CRIM1: variants seen among roughly 807,000 people sequenced by gnomAD.
The protein encoded by CRIM1 is cysteine rich transmembrane BMP regulator 1, also known as cysteine-rich motor neuron 1 protein.
A neutral mutation model predicts 116.4 loss-of-function variants in CRIM1; 32 were observed. That is an observed-to-expected ratio of 0.27 (90% CI 0.21 to 0.37). CRIM1 has a LOEUF of 0.37. Among genes scored for constraint, CRIM1 ranks in the 10% least tolerant of loss-of-function variants. The probability of loss-of-function intolerance (pLI) is 1.00; values close to 1 mark genes in which losing one functional copy is unlikely to be tolerated. For missense variants in CRIM1, 1,331 were observed against 1,354.8 expected (o/e 0.98, Z 0.28); for synonymous variants, 590 against 509.2 (o/e 1.16, Z -2.13).
At chr2:36,428,580 G>A (rs1212079111) in intron 2 of CRIM1, among the ~76,000 whole-genome samples, 1 of 152,134 alleles carries the variant, frequency 6.6e-6, no homozygotes, top group Non-Finnish European at 1.5e-5. Flanking sequence ...GTACCTCATT[G>A]CTTTTATTAA....
chr2:36,466,539 G>C (rs923858499), intron 5 of CRIM1, among the ~76,000 whole-genome samples: 3 of 152,204 alleles, frequency 2.0e-5, no homozygotes, highest in Non-Finnish European at 2.9e-5. Context: ...CAGCATCTCA[G>C]ATATGCTTCA....
chr2:36,543,137 A>C (rs1000020188), intron 14 of CRIM1, among the ~76,000 whole-genome samples: 8 of 152,176 alleles, frequency 5.3e-5, no homozygotes, highest in Non-Finnish European at 1.2e-4. Flanking sequence ...TGGAGGCAAC[A>C]AGATAACTTG....
intron 10 of CRIM1, 26 bp from the exon 11 acceptor site, chr2:36,513,530 T>A: frequency 1.2e-6 from 2 of 1,606,092 alleles, no homozygotes; most frequent in Non-Finnish European, 1.7e-6. Context: ...GCCACTTCTT[T>A]ACCAGGCTGC....
chr2:36,375,576 G>T (rs1275396513), intron 1 of CRIM1, among the ~76,000 whole-genome samples: 1 of 152,072 alleles, frequency 6.6e-6, no homozygotes. Context: ...CTAAATTTTT[G>T]TTTCTGAATT....
At position 36,475,760 on chromosome 2, in the gene CRIM1, C is replaced by G. The variant is rs537705080; in HGVS notation, c.992-1129C>G. Among the ~76,000 whole-genome samples the G allele has an allele frequency of 8.3e-4, 126 of 152,236 alleles. 1 individual carries two copies. The highest frequency in any genetic ancestry group is 2.9e-3 in the African/African-American group (120 of 41,536). ...CAAGTTGAGGAAGTTCCGTTCTATT[C>G]CTAGTTGGTTGAGCATTTTTATCAT... On this transcript the variant is annotated intron_variant, in intron 5 of 16. Coordinates refer to ENST00000280527, the MANE Select transcript of CRIM1 (RefSeq NM_016441.3).
intron 5 of CRIM1, among the ~76,000 whole-genome samples, chr2:36,476,619 T>C (rs1217920649): frequency 6.6e-6 from 1 of 152,232 alleles, no homozygotes; most frequent in Non-Finnish European, 1.5e-5. Context: ...TCATAAAGTT[T>C]AGCTTTGTCT....
At chr2:36,441,639 T>A in intron 3 of CRIM1, 139 bp downstream of exon 3, 1 of 1,080,386 alleles carries the variant, frequency 9.3e-7, no homozygotes. Context: ...CACTTTGGGC[T>A]AATGGCAGCT....
intron 1 of CRIM1, among the ~76,000 whole-genome samples, chr2:36,357,547 C>G (rs536120901): frequency 1.3e-5 from 2 of 152,064 alleles, no homozygotes; most frequent in Non-Finnish European, 2.9e-5. Flanking sequence ...AATCCCTGCC[C>G]GCTTGCGTCG....
chr2:36,362,403 G>A (rs1278357864), intron 1 of CRIM1, among the ~76,000 whole-genome samples: 1 of 152,166 alleles, frequency 6.6e-6, no homozygotes, highest in African/African-American at 2.4e-5. Context: ...TCTCCTTAGA[G>A]CCTGTGCAAT....
chr2:36,536,624 T>TA (rs1666574377), intron 13 of CRIM1, among the ~76,000 whole-genome samples: 1 of 152,018 alleles, frequency 6.6e-6, no homozygotes, highest in African/African-American at 2.4e-5. Context: ...TAAGTTCAGG[T>TA]ACACCAGGAA....
At chr2:36,442,818 C>T (rs986405054) in intron 4 of CRIM1, 83 bp downstream of exon 4, 1 of 1,524,874 alleles carries the variant, frequency 6.6e-7, no homozygotes, top group South Asian at 1.2e-5. Context: ...AGTTTGTTTT[C>T]CCATGAGAAA....
intron 5 of CRIM1, among the ~76,000 whole-genome samples, chr2:36,470,252 T>C (rs1335839646): frequency 6.6e-6 from 1 of 152,136 alleles, no homozygotes; most frequent in Non-Finnish European, 1.5e-5. Flanking sequence ...TTTAATTTGT[T>C]TTGGTGGAGG....
intron 8 of CRIM1, among the ~76,000 whole-genome samples, chr2:36,501,679 G>A (rs1193408547): frequency 6.6e-6 from 1 of 152,080 alleles, no homozygotes; most frequent in East Asian, 1.9e-4. Context: ...CTGTGATTGT[G>A]CCACTGCACT....
Position 36,491,868 on chromosome 2 carries a change from T to C in CRIM1, c.1373-7351T>C, listed in dbSNP as rs1187889100. On this transcript the variant is annotated intron_variant, in intron 7 of 16. Coordinates refer to ENST00000280527, the MANE Select transcript of CRIM1 (RefSeq NM_016441.3). ...TCCACTTAAAGCTACCAAAATATAA[T>C]TCCTATGAACATTAGCAATAAAAAG... 7.9e-5 allele frequency among the ~76,000 whole-genome samples: 12 copies of C among 152,102 alleles called. No homozygotes were observed. The South Asian group carries it at 1.7e-3, about 21-fold the overall frequency.
At chr2:36,438,693 C>T (rs545805522) in intron 2 of CRIM1, among the ~76,000 whole-genome samples, 5 of 152,244 alleles carry the variant, frequency 3.3e-5, no homozygotes, top group African/African-American at 9.6e-5. Context: ...GTAGCTAACC[C>T]GGTAGCTTTA....
chr2:36,500,566 A>T (rs1218108702), intron 8 of CRIM1, among the ~76,000 whole-genome samples: 1 of 152,194 alleles, frequency 6.6e-6, no homozygotes, highest in African/African-American at 2.4e-5. Context: ...ACAAGAAATT[A>T]TCCGAATCAT....
chr2:36,515,490 C>T (rs1407606528), intron 11 of CRIM1, among the ~76,000 whole-genome samples: 2 of 152,210 alleles, frequency 1.3e-5, no homozygotes, highest in South Asian at 2.1e-4. Context: ...TGATTAGAGA[C>T]TCCAGAGCTG....
intron 5 of CRIM1, 89 bp from the exon 6 acceptor site, chr2:36,476,800 G>C (rs1679006242): frequency 9.1e-7 from 1 of 1,095,526 alleles, no homozygotes; most frequent in African/African-American, 1.6e-5. Context: ...CCTCCTATTA[G>C]AAATTTTCTA....
intron 1 of CRIM1, among the ~76,000 whole-genome samples, chr2:36,393,787 C>T (rs1174879847): frequency 6.6e-6 from 1 of 152,126 alleles, no homozygotes; most frequent in Non-Finnish European, 1.5e-5. Flanking sequence ...GGAGCAGTTC[C>T]TGCGTGTTTC....
Sources: gnomAD v4.1 joint callset for allele counts (sites outside exome capture counted in the v4.1 genomes callset) on GRCh38, gnomAD v4.1.1 for gene constraint, MANE v1.5 for transcripts, NCBI Gene and HGNC (gene_info 2026-07-23, HGNC 2026-07-21) for gene names.